Variants in CHPF2 observed in about 807,000 individuals in gnomAD.
CHPF2 encodes chondroitin polymerizing factor 2, non-catalytic subunit.
CHPF2 carries 58 observed loss-of-function variants against 63.0 expected under a neutral mutation model. That is an observed-to-expected ratio of 0.92 (90% CI 0.75 to 1.15). The LOEUF (loss-of-function observed/expected upper bound fraction) is 1.15, where lower values mean the gene tolerates loss of function less well. Among genes scored for constraint, CHPF2 ranks in the 50% most tolerant of loss-of-function variants. The probability of loss-of-function intolerance (pLI) is 0.00; values close to 1 mark genes in which losing one functional copy is unlikely to be tolerated. For synonymous variants in CHPF2, 442 were observed against 438.0 expected (o/e 1.01, Z -0.11); for missense variants, 1,045 against 1,035.4 (o/e 1.01, Z -0.13).
rs1360413097 is a variant in CHPF2 at position 151,237,734 on chromosome 7, C to T, written c.1372C>T (p.His458Tyr). 2 of 1,612,674 alleles carry T rather than the reference C, an allele frequency of 1.2e-6. No individual in the cohort carries two copies. Among genetic ancestry groups the T allele is most frequent in the Non-Finnish European group, 1.7e-6 (2 of 1,179,902 alleles). The change falls in exon 4 of 4, where the codon CAC (histidine) becomes TAC (tyrosine). Residue 458 changes from histidine (H) to tyrosine (Y), a missense_variant. Physicochemically the swap from His to Tyr is moderately conservative, Grantham distance 83 (BLOSUM62 2). Coordinates refer to ENST00000035307, the MANE Select transcript of CHPF2 (RefSeq NM_019015.3). ...GTTGGAATGTGTGACACAGCGTGGG[C>T]ACCGGCGGGCCCTGGCTCGCAGGGT... is the stretch of plus-strand genomic sequence containing the variant. ...LLLECVTQRG[H>Y]RRALARRVSL...
chr7:151,236,885 T>C, intron 3 of CHPF2: 1 of 564,212 alleles, frequency 1.8e-6, no homozygotes, highest in Non-Finnish European at 3.4e-6. Context: ...TCAGACAGAA[T>C]AGTTTTAGCT....
At position 151,237,671 on chromosome 7, in the gene CHPF2, G is replaced by C; in HGVS notation, c.1309G>C (p.Asp437His). 1 of 1,613,158 alleles carries C rather than the reference G, an allele frequency of 6.2e-7. No individual in the cohort carries two copies. Among genetic ancestry groups the C allele is most frequent in the Non-Finnish European group, 8.5e-7 (1 of 1,179,930 alleles). The change falls in exon 4 of 4, where the codon GAC becomes CAC. Residue 437 changes from aspartate (D) to histidine (H), a missense_variant. Coordinates refer to ENST00000035307, the MANE Select transcript of CHPF2 (RefSeq NM_019015.3). ...QRLLNGYRRFDPARGMEYTLD... is the reference protein window; with the variant it reads ...QRLLNGYRRFHPARGMEYTLD... ...ACTGCTCAACGGCTATCGGCGCTTC[G>C]ACCCAGCACGGGGCATGGAGTACAC...
At chr7:151,237,306 C>A in intron 3 of CHPF2, 68 bp from the exon 4 acceptor site, 1 of 1,280,164 alleles carries the variant, frequency 7.8e-7, no homozygotes, top group Non-Finnish European at 1.1e-6. Flanking sequence ...ATCTCAGAGC[C>A]CAGGCAGCTG....
At position 151,232,838 on chromosome 7, in the gene CHPF2, G is replaced by T; in HGVS notation, c.-1174G>T. The T allele has an allele frequency of 6.9e-7, 1 of 1,455,402 alleles. No homozygotes were observed. The highest frequency in any genetic ancestry group is 9.0e-7 in the Non-Finnish European group (1 of 1,108,494). 90.2% of individuals were successfully genotyped at this position (1,455,402 alleles called of 1,614,324 possible). ...AGGTCTGTGCCCCAGTCTCCCAGCC[G>T]CGACCTCCGACCCCGCCTCGCAGAA... On this transcript the variant is annotated 5_prime_UTR_variant, in exon 1 of 4. Coordinates refer to ENST00000035307, the MANE Select transcript of CHPF2 (RefSeq NM_019015.3).
intron 1 of CHPF2, 26 bp from the exon 2 acceptor site, chr7:151,235,021 AC>A: frequency 6.6e-6 from 10 of 1,511,064 alleles, no homozygotes; most frequent in Non-Finnish European, 8.9e-6. Flanking sequence ...TAGGGAGTTG[AC>A]CTCTGGCACA....
In CHPF2 at chr7:151,238,410, G is replaced by T; in HGVS notation, c.2048G>T (p.Arg683Leu). 6.3e-7 allele frequency: 1 copy of T among 1,598,474 alleles called. No individual in the cohort carries two copies. ...TACAACGCTGACTACCTGGCGGCCC[G>T]AGCCCGGCTGGCAGGTGAACTGGCA... Reference protein sequence around the residue: ...CFYNADYLAARARLAGELAGQ... With the variant: ...CFYNADYLAALARLAGELAGQ... The change falls in exon 4 of 4, where the codon CGA becomes CTA. Residue 683 changes from arginine to leucine, a missense_variant. Physicochemically the swap from Arg to Leu is moderately radical, Grantham distance 102 (BLOSUM62 -2). Transcript: ENST00000035307.
rs1285275460 is a variant in CHPF2 at position 151,237,590 on chromosome 7, G to A, written c.1228G>A (p.Ala410Thr). 44 of 1,613,632 alleles carry A rather than the reference G, an allele frequency of 2.7e-5. No homozygotes were observed. The highest frequency in any genetic ancestry group is 3.6e-5 in the Non-Finnish European group (42 of 1,180,010). ...RADVGDALET[A>T]LEQLNRRYQP... ...GGACGTGGGTGATGCGTTGGAGACTGCCCTGGAGCAGCTCAATCGGCGCTA... is the reference window on the plus strand; with the variant it reads ...GGACGTGGGTGATGCGTTGGAGACTACCCTGGAGCAGCTCAATCGGCGCTA... Residue 410 changes from alanine to threonine, a missense_variant, in exon 4 of 4, where the codon GCC (alanine) becomes ACC (threonine). Coordinates refer to ENST00000035307, the MANE Select transcript of CHPF2 (RefSeq NM_019015.3).
chr7:151,238,011 C>T lies in CHPF2; in HGVS notation c.1649C>T (p.Ala550Val), dbSNP rs979976935. 31 of 1,612,906 alleles carry T rather than the reference C, an allele frequency of 1.9e-5. No individual in the cohort carries two copies. The highest frequency in any genetic ancestry group is 4.4e-5 in the South Asian group (4 of 91,096). Residue 550 changes from alanine (A) to valine (V), a missense_variant, in exon 4 of 4, where the codon GCG (alanine) becomes GTG (valine). Ala to Val is a moderately conservative substitution (Grantham distance 64). Coordinates refer to ENST00000035307, the MANE Select transcript of CHPF2 (RefSeq NM_019015.3). Reference sequence around the variant, plus strand: ...TTTCTTGGGGTGAAGGCTGCAGCAGCGGAGTTAGAGCGACGGTACCCTGGG... The same window carrying T: ...TTTCTTGGGGTGAAGGCTGCAGCAGTGGAGTTAGAGCGACGGTACCCTGGG... ...DPFLGVKAAA[A>V]ELERRYPGTR...
chr7:151,234,314 C>T, intron 1 of CHPF2, 40 bp downstream of exon 1: 2 of 1,421,266 alleles, frequency 1.4e-6, no homozygotes, highest in Non-Finnish European at 1.9e-6. Flanking sequence ...GACACTGGCC[C>T]TGTTTTGGGC....
Position 151,234,255 on chromosome 7 carries a change from C to A in CHPF2, c.244C>A (p.Pro82Thr). The A allele has an allele frequency of 1.3e-6, 2 of 1,598,270 alleles. No homozygotes were observed. ...IVPYYRDPNKPYKKVLRTRYI... is the reference protein window; with the variant it reads ...IVPYYRDPNKTYKKVLRTRYI... Reference sequence around the variant, plus strand: ...CCCCTACTACAGGGACCCCAACAAGCCCTACAAGAAGGTGCTCAGGTGAGA... The same window carrying A: ...CCCCTACTACAGGGACCCCAACAAGACCTACAAGAAGGTGCTCAGGTGAGA... Residue 82 changes from proline to threonine, a missense_variant, in exon 1 of 4, where the codon CCC (proline) becomes ACC (threonine). Pro to Thr is a conservative substitution (Grantham distance 38). Coordinates refer to ENST00000035307, the MANE Select transcript of CHPF2 (RefSeq NM_019015.3).
Position 151,232,576 on chromosome 7 carries a change from G to T in CHPF2, c.-1436G>T. 2 of 562,642 alleles carry T rather than the reference G, an allele frequency of 3.6e-6. No individual in the cohort carries two copies. Among genetic ancestry groups the T allele is most frequent in the East Asian group, 7.0e-5 (2 of 28,560 alleles). The allele number at this position is 562,642 out of a possible 1,614,324, so 34.9% of individuals were successfully genotyped here. On this transcript the variant is annotated 5_prime_UTR_variant, in exon 1 of 4. Transcript: ENST00000035307. ...CACTGGGGTCTGTTCCCCCTTCCCCGTCCCTGCTCCCTGCCAGGCGCGTGC... is the reference window on the plus strand; with the variant it reads ...CACTGGGGTCTGTTCCCCCTTCCCCTTCCCTGCTCCCTGCCAGGCGCGTGC...
In CHPF2 at chr7:151,232,760, C is replaced by T; in HGVS notation, c.-1252C>T. 1 of 1,509,150 alleles carries T rather than the reference C, an allele frequency of 6.6e-7. No homozygotes were observed. Among genetic ancestry groups the T allele is most frequent in the South Asian group, 1.2e-5 (1 of 82,228 alleles). The allele number at this position is 1,509,150 out of a possible 1,614,324, so 93.5% of individuals were successfully genotyped here. On this transcript the variant is annotated 5_prime_UTR_variant, in exon 1 of 4. Transcript: ENST00000035307. The stretch of plus-strand genomic sequence containing the variant: ...GTCCCTCCTGGTCCTGCGCTCGCGG[C>T]CTCGATGCTGTCTCTGGCGCGGCCT...
At position 151,232,647 on chromosome 7, in the gene CHPF2, G is replaced by C; in HGVS notation, c.-1365G>C. 1 of 1,071,780 alleles carries C rather than the reference G, an allele frequency of 9.3e-7. No homozygotes were observed. The highest frequency in any genetic ancestry group is 1.6e-5 in the South Asian group (1 of 61,816). 66.4% of individuals were successfully genotyped at this position (1,071,780 alleles called of 1,614,324 possible). ...CACGCCTCCGCCCCGCCCCCTCCCG[G>C]GACGCCGGGAGACCCCGGCCGTCCT... On this transcript the variant is annotated 5_prime_UTR_variant, in exon 1 of 4. Transcript: ENST00000035307.
Position 151,237,668 on chromosome 7 carries a change from T to A in CHPF2, c.1306T>A (p.Phe436Ile). The A allele has an allele frequency of 1.2e-6, 2 of 1,613,182 alleles. No individual in the cohort carries two copies. Among genetic ancestry groups the A allele is most frequent in the Non-Finnish European group, 1.7e-6 (2 of 1,179,924 alleles). ...GCGACTGCTCAACGGCTATCGGCGC[T>A]TCGACCCAGCACGGGGCATGGAGTA... ...KQRLLNGYRR[F>I]DPARGMEYTL... The change falls in exon 4 of 4, where the codon TTC (phenylalanine) becomes ATC (isoleucine). Residue 436 changes from phenylalanine to isoleucine, a missense_variant. By Grantham distance (21) the Phe-to-Ile change is conservative. Coordinates refer to ENST00000035307, the MANE Select transcript of CHPF2 (RefSeq NM_019015.3).
At position 151,234,136 on chromosome 7, in the gene CHPF2, G is replaced by C; in HGVS notation, c.125G>C (p.Cys42Ser). 1.2e-6 allele frequency: 2 copies of C among 1,613,188 alleles called. No individual in the cohort carries two copies. Among genetic ancestry groups the C allele is most frequent in the Non-Finnish European group, 1.7e-6 (2 of 1,179,554 alleles). The stretch of plus-strand genomic sequence containing the variant: ...ATCCAGGGGGAGGGAGAAGATCCCT[G>C]TGTCGAGGCTGTAGGGGAGCGAGGA... ...SWIQGEGEDP[C>S]VEAVGERGGP... The change falls in exon 1 of 4, where the codon TGT becomes TCT. Residue 42 changes from cysteine to serine, a missense_variant. Coordinates refer to ENST00000035307, the MANE Select transcript of CHPF2 (RefSeq NM_019015.3).
rs1802596244 is a variant in CHPF2, at chr7:151,235,187, A to T, written c.403A>T (p.Thr135Ser). 1.2e-6 allele frequency: 2 copies of T among 1,613,170 alleles called. No homozygotes were observed. Among genetic ancestry groups the T allele is most frequent in the Non-Finnish European group, 1.7e-6 (2 of 1,179,636 alleles). ...TCACTTCCCTCGGTTACTCTACTTC[A>T]CTGGGCAGCGGGGGGCCCGGGCTCC... is the stretch of plus-strand genomic sequence containing the variant. ...AHHFPRLLYF[T>S]GQRGARAPAG... is the part of the protein sequence containing the mutation. Residue 135 changes from threonine (T) to serine (S), a missense_variant, in exon 2 of 4, where the codon ACT (threonine) becomes TCT (serine). By Grantham distance (58) the Thr-to-Ser change is moderately conservative. Transcript: ENST00000035307.
chr7:151,238,296 AC>A lies in CHPF2; in HGVS notation c.1941del (p.Ser648ProfsTer13), dbSNP rs746469175. 11 of 1,602,264 alleles carry A rather than the reference AC, an allele frequency of 6.9e-6. No homozygotes were observed. The highest frequency in any genetic ancestry group is 3.4e-5 in the Admixed American group (2 of 59,550). ...SPPGPPGAGP[D>X]PPSPPGADPS... ...CCAGGGCCCCCGGGGGCTGGCCCTG[AC>A]CCCCCCTCCCCTCCTGGTGCTGACC... On this transcript the variant is annotated frameshift_variant, in exon 4 of 4. Transcript: ENST00000035307. LOFTEE classifies it high-confidence loss of function.
rs142271367 is a variant in CHPF2 at position 151,237,623 on chromosome 7, C to T, written c.1261C>T (p.Arg421Cys). ...GCAGCTCAATCGGCGCTATCAGCCC[C>T]GCCTGCGCTTCCAGAAGCAGCGACT... ...LEQLNRRYQPRLRFQKQRLLN... is the reference protein window; with the variant it reads ...LEQLNRRYQPCLRFQKQRLLN... Residue 421 changes from arginine to cysteine, a missense_variant, in exon 4 of 4, where the codon CGC becomes TGC. Physicochemically the swap from Arg to Cys is radical, Grantham distance 180 (BLOSUM62 -3). Coordinates refer to ENST00000035307, the MANE Select transcript of CHPF2 (RefSeq NM_019015.3). 224 of 1,613,222 alleles carry T rather than the reference C, an allele frequency of 1.4e-4. 3 individuals are homozygous for T. In the African/African-American group the frequency reaches 2.4e-3, roughly 18 times the overall value.
chr7:151,234,770 C>T (rs1460483198), intron 1 of CHPF2, among the ~76,000 whole-genome samples: 2 of 152,118 alleles, frequency 1.3e-5, no homozygotes, highest in Non-Finnish European at 2.9e-5. Context: ...GGATTACAGG[C>T]GTGAGCTACC....
Sources: gnomAD v4.1 joint callset for allele counts (sites outside exome capture counted in the v4.1 genomes callset) on GRCh38, gnomAD v4.1.1 for gene constraint, MANE v1.5 for transcripts, NCBI Gene and HGNC (gene_info 2026-07-23, HGNC 2026-07-21) for gene names.